Variants in DAB1 observed in about 807,000 individuals in gnomAD.
The protein encoded by DAB1 is disabled homolog 1.
A neutral mutation model predicts 64.6 loss-of-function variants in DAB1; 15 were observed. That is an observed-to-expected ratio of 0.23 (90% confidence interval 0.16 to 0.36). The LOEUF (loss-of-function observed/expected upper bound fraction) is 0.36. Ranked by LOEUF, DAB1 falls within the 10% of genes least tolerant of loss-of-function variation. The pLI is 1.00. For synonymous variants in DAB1, 235 were observed against 251.9 expected, an observed-to-expected ratio of 0.93 and a Z score of 0.64; for missense variants, 596 against 706.7, an observed-to-expected ratio of 0.84 and a Z score of 1.78.
intron 6 of DAB1, among the ~76,000 whole-genome samples, chr1:57,758,019 G>A (rs1283637244): frequency 6.6e-6 from 1 of 152,108 alleles, no homozygotes; most frequent in Non-Finnish European, 1.5e-5. Flanking sequence ...GTCTTTCAGT[G>A]TTGCCCAGGT....
chr1:57,374,604 A>T (rs1182446804), intron 1 of DAB1, among the ~76,000 whole-genome samples: 1 of 152,202 alleles, frequency 6.6e-6, no homozygotes, highest in East Asian at 1.9e-4. Flanking sequence ...GATCTTTCCA[A>T]GAGACCTAGA....
chr1:57,179,336 G>A (rs754282257), intron 2 of DAB1, among the ~76,000 whole-genome samples: 7 of 152,152 alleles, frequency 4.6e-5, no homozygotes, highest in Non-Finnish European at 7.3e-5. Flanking sequence ...AAACATCTCC[G>A]TGACTGGGGA....
At chr1:57,312,869 T>C (rs915023232) in intron 1 of DAB1, among the ~76,000 whole-genome samples, 2 of 152,026 alleles carry the variant, frequency 1.3e-5, no homozygotes, top group African/African-American at 4.8e-5. Flanking sequence ...TATCTCAGAG[T>C]TCCAGGGGGA....
chr1:57,085,535 C>T (rs1652984900), intron 4 of DAB1, among the ~76,000 whole-genome samples: 1 of 152,248 alleles, frequency 6.6e-6, no homozygotes, highest in Non-Finnish European at 1.5e-5. Context: ...GGGTGCAAAG[C>T]ACTGGCAAGG....
intron 4 of DAB1, among the ~76,000 whole-genome samples, chr1:58,311,029 C>T (rs148592303): frequency 1.4e-3 from 219 of 152,186 alleles, no homozygotes; most frequent in African/African-American, 4.9e-3. Flanking sequence ...TCTAGCTTAC[C>T]GAGCCCAGTT....
intron 6 of DAB1, among the ~76,000 whole-genome samples, chr1:57,778,822 T>C (rs1649936602): frequency 6.6e-6 from 1 of 152,026 alleles, no homozygotes; most frequent in Admixed American, 6.6e-5. Flanking sequence ...TTCCTTCTTT[T>C]CATTTCTTCT....
chr1:58,219,171 G>A (rs912125782), intron 4 of DAB1, among the ~76,000 whole-genome samples: 1 of 151,940 alleles, frequency 6.6e-6, no homozygotes, highest in Non-Finnish European at 1.5e-5. Context: ...TCTGTCTACG[G>A]GTTTCCATCT....
At chr1:58,486,972 C>T (rs148102630) in intron 3 of DAB1, among the ~76,000 whole-genome samples, 1 of 152,266 alleles carries the variant, frequency 6.6e-6, no homozygotes, top group Non-Finnish European at 1.5e-5. Flanking sequence ...TAGGAAGAGT[C>T]TGGATTTTTA....
At chr1:57,252,386 T>C (rs1052679456) in intron 2 of DAB1, among the ~76,000 whole-genome samples, 2 of 152,172 alleles carry the variant, frequency 1.3e-5, no homozygotes, top group East Asian at 1.9e-4. Context: ...TTTGATTCCA[T>C]TGATAATAAC....
At chr1:58,334,843 A>C (rs1335840423) in intron 4 of DAB1, among the ~76,000 whole-genome samples, 2 of 151,890 alleles carry the variant, frequency 1.3e-5, no homozygotes, top group African/African-American at 2.4e-5. Context: ...GGAAGGAAGG[A>C]ATACGTGAAC....
chr1:58,485,758 C>T lies in DAB1; in HGVS notation n.257+20302G>A, dbSNP rs184715594. Reference sequence around the variant, plus strand: ...CATATAGCTAGAATATGTCTTTCCACTTCCTTTACTTTGTTTTCTGTGTTT... The same window carrying T: ...CATATAGCTAGAATATGTCTTTCCATTTCCTTTACTTTGTTTTCTGTGTTT... On this transcript the variant is annotated intron_variant and non_coding_transcript_variant, in intron 3 of 20. Transcript: ENST00000485760. Among the ~76,000 whole-genome samples, 406 of 152,250 alleles carry T rather than the reference C, an allele frequency of 2.7e-3. 1 individual carries two copies. The highest frequency in any genetic ancestry group is 9.1e-3 in the African/African-American group (379 of 41,534).
chr1:57,318,798 G>C (rs1174149715), intron 1 of DAB1, among the ~76,000 whole-genome samples: 1 of 151,552 alleles, frequency 6.6e-6, no homozygotes, highest in Non-Finnish European at 1.5e-5. Flanking sequence ...TAAAAGAGAT[G>C]GGTAAAGACA....
intron 5 of DAB1, among the ~76,000 whole-genome samples, chr1:57,948,992 C>T (rs1645225326): frequency 6.6e-6 from 1 of 152,138 alleles, no homozygotes; most frequent in African/African-American, 2.4e-5. Context: ...ATGTTATGAA[C>T]ATCCATGCAC....
rs115407402 is a variant in DAB1, at chr1:57,999,083, T to C, written n.388-114921A>G. Among the ~76,000 whole-genome samples the C allele has an allele frequency of 8.6e-3, 1,310 of 152,344 alleles. 13 individuals are homozygous for C. Among genetic ancestry groups the C allele is most frequent in the African/African-American group, 0.03 (1,242 of 41,586 alleles). Reference sequence around the variant, plus strand: ...CTGTGAATATATCCATATACATTTTTAATCCTCGCTGTTCCTGCCAAAGAC... The same window carrying C: ...CTGTGAATATATCCATATACATTTTCAATCCTCGCTGTTCCTGCCAAAGAC... On this transcript the variant is annotated intron_variant and non_coding_transcript_variant, in intron 5 of 20. Coordinates refer to the DAB1 transcript ENST00000485760.
At chr1:58,010,995 A>G (rs952095290) in intron 5 of DAB1, among the ~76,000 whole-genome samples, 1 of 152,174 alleles carries the variant, frequency 6.6e-6, no homozygotes, top group Non-Finnish European at 1.5e-5. Context: ...GGTAACTACT[A>G]TTTTTACTCC....
chr1:57,887,647 T>C (rs938642191), upstream of DAB1, among the ~76,000 whole-genome samples: 11 of 152,294 alleles, frequency 7.2e-5, no homozygotes, highest in African/African-American at 2.6e-4. Flanking sequence ...TCACCAGTAA[T>C]CTATAAACTC....
chr1:57,600,699 G>C (rs1047803850), intron 7 of DAB1, among the ~76,000 whole-genome samples: 5 of 152,122 alleles, frequency 3.3e-5, no homozygotes, highest in Admixed American at 2.6e-4. Context: ...CATAAGCATT[G>C]TCATGTAATG....
chr1:57,245,862 T>C (rs1668832522), intron 2 of DAB1, among the ~76,000 whole-genome samples: 1 of 152,226 alleles, frequency 6.6e-6, no homozygotes, highest in Non-Finnish European at 1.5e-5. Flanking sequence ...CACAACACTG[T>C]CTTCCACAAT....
chr1:58,529,199 T>C (rs1450902174), intron 1 of DAB1, among the ~76,000 whole-genome samples: 2 of 152,198 alleles, frequency 1.3e-5, no homozygotes, highest in Non-Finnish European at 2.9e-5. Flanking sequence ...ATAGACTTAG[T>C]TATCCAATCT....
Sources: gnomAD v4.1 joint callset for allele counts (sites outside exome capture counted in the v4.1 genomes callset) on GRCh38, gnomAD v4.1.1 for gene constraint, MANE v1.5 for transcripts, NCBI Gene and HGNC (gene_info 2026-07-23, HGNC 2026-07-21) for gene names.